The following ZSCAN1 variants were observed in gnomAD, a reference collection of about 807,000 sequenced individuals.
ZSCAN1 encodes the protein zinc finger and SCAN domain-containing protein 1.
ZSCAN1 carries 23 observed loss-of-function variants against 23.8 expected under a neutral mutation model. The observed-to-expected ratio is 0.97, with a 90% CI of 0.70 to 1.37. ZSCAN1 has a LOEUF of 1.37. ZSCAN1 is among the 40% of genes most tolerant of loss of function. The pLI, the probability that ZSCAN1 is intolerant of heterozygous loss-of-function variation, is 0.00. For missense variants in ZSCAN1, 575 were observed against 554.0 expected, an observed-to-expected ratio of 1.04 and a Z score of -0.38; for synonymous variants, 236 against 232.3, an observed-to-expected ratio of 1.02 and a Z score of -0.15.
rs2073748926 is a variant in ZSCAN1, at chr19:58,037,819, G to A, written c.-18G>A. 6.8e-7 allele frequency: 1 copy of A among 1,461,002 alleles called. No individual in the cohort carries two copies. Among genetic ancestry groups the A allele is most frequent in the Non-Finnish European group, 9.0e-7 (1 of 1,108,224 alleles). 90.5% of individuals were successfully genotyped at this position (1,461,002 alleles called of 1,614,324 possible). ...CCAGTCCACACACACCCCTCAGAGG[G>A]GCACTGTGGCCAGAGAAATGCTTCC... On this transcript the variant is annotated 5_prime_UTR_variant, in exon 3 of 6. Coordinates refer to ENST00000282326, the MANE Select transcript of ZSCAN1 (RefSeq NM_182572.4).
intron 4 of ZSCAN1, 109 bp from the exon 5 acceptor site, chr19:58,052,381 C>T: frequency 1.3e-6 from 2 of 1,564,572 alleles, no homozygotes; most frequent in Non-Finnish European, 1.7e-6. Flanking sequence ...GCGCACTGCC[C>T]TGGGACAGAG....
At chr19:58,041,600 G>A (rs1040213721) in intron 4 of ZSCAN1, among the ~76,000 whole-genome samples, 1 of 152,230 alleles carries the variant, frequency 6.6e-6, no homozygotes, top group Non-Finnish European at 1.5e-5. Context: ...GGGTGTGGTG[G>A]CTCATCCCGG....
chr19:58,054,165 C>A lies in ZSCAN1; in HGVS notation c.*114C>A. ...ACCAACCCCTGGCCACCTTGGGACT[C>A]CTCTTGAAGGACACAAGCTGTTTCT... On this transcript the variant is annotated 3_prime_UTR_variant, in exon 6 of 6. Transcript: ENST00000282326. This position sits in a 1 kb window ranked among gnomAD's most constrained non-coding sequence, Gnocchi z 4.2. 4 of 1,334,458 alleles carry A rather than the reference C, an allele frequency of 3.0e-6. No individual in the cohort carries two copies. Among genetic ancestry groups the A allele is most frequent in the Non-Finnish European group, 3.0e-6 (3 of 1,011,858 alleles). The allele number at this position is 1,334,458 out of a possible 1,614,324, so 82.7% of individuals were successfully genotyped here. A position where few individuals can be genotyped will look rare whatever the true frequency, so the allele number is the denominator to read the frequency against.
In ZSCAN1 at chr19:58,038,198, A is replaced by C; in HGVS notation, c.362A>C (p.Gln121Pro). Reference protein sequence around the residue: ...SLVEDLTQMCQQEVLVSLDSV... With the variant: ...SLVEDLTQMCPQEVLVSLDSV... ...GTGGAGGACCTCACACAGATGTGCC[A>C]GCAGGAAGGTGAGAGGCGCAGGCTT... Residue 121 changes from glutamine (Q) to proline (P), a missense_variant, in exon 3 of 6, where the codon CAG (glutamine) becomes CCG (proline). Gln to Pro is a moderately conservative substitution (Grantham distance 76). Coordinates refer to ENST00000282326, the MANE Select transcript of ZSCAN1 (RefSeq NM_182572.4). The C allele has an allele frequency of 1.9e-6, 3 of 1,605,552 alleles. No individual in the cohort carries two copies. Among genetic ancestry groups the C allele is most frequent in the Middle Eastern group, 4.1e-4 (2 of 4,906 alleles).
intron 4 of ZSCAN1, chr19:58,044,899 G>A: frequency 4.9e-6 from 4 of 819,352 alleles, no homozygotes; most frequent in Admixed American, 3.7e-5. Flanking sequence ...GTGCCTTCCT[G>A]CCCGCGGCTG....
At chr19:58,036,310 T>C (rs1034126248) in intron 2 of ZSCAN1, among the ~76,000 whole-genome samples, 1 of 152,200 alleles carries the variant, frequency 6.6e-6, no homozygotes, top group African/African-American at 2.4e-5. Context: ...GTTCTTGATA[T>C]ATAAATGGCC....
intron 4 of ZSCAN1, among the ~76,000 whole-genome samples, chr19:58,041,786 G>C (rs941174596): frequency 1.3e-5 from 2 of 152,168 alleles, no homozygotes; most frequent in Non-Finnish European, 2.9e-5. Context: ...TGAGGTAGGA[G>C]GATCACTTGA....
chr19:58,038,011 C>T lies in ZSCAN1; in HGVS notation c.175C>T (p.Leu59Phe). 2 of 1,610,714 alleles carry T rather than the reference C, an allele frequency of 1.2e-6. No individual in the cohort carries two copies. Among genetic ancestry groups the T allele is most frequent in the Non-Finnish European group, 8.5e-7 (1 of 1,179,654 alleles). The change falls in exon 3 of 6, where the codon CTC (leucine) becomes TTC (phenylalanine). Residue 59 changes from leucine to phenylalanine, a missense_variant. Physicochemically the swap from Leu to Phe is conservative, Grantham distance 22. Transcript: ENST00000282326. ...ASGPHLALGQLWTLCRQWLRP... is the reference protein window; with the variant it reads ...ASGPHLALGQFWTLCRQWLRP... ...CGGGCCGCACCTCGCGCTGGGCCAGCTCTGGACGCTGTGCCGCCAGTGGCT... is the reference window on the plus strand; with the variant it reads ...CGGGCCGCACCTCGCGCTGGGCCAGTTCTGGACGCTGTGCCGCCAGTGGCT...
At position 58,040,722 on chromosome 19, in the gene ZSCAN1, A is replaced by G. The variant is rs1369164325; in HGVS notation, c.465+178A>G. ...AGATTCCCCAAGCTTCCTGGGGCTC[A>G]GTGCTGGGCGAGGGCAGTCAGTGCA... On this transcript the variant is annotated intron_variant, in intron 4 of 5. Coordinates refer to ENST00000282326, the MANE Select transcript of ZSCAN1 (RefSeq NM_182572.4). This position sits in a 1 kb window ranked among gnomAD's most constrained non-coding sequence, Gnocchi z 5.8. Among the ~76,000 whole-genome samples, 1 of 152,202 alleles carries G rather than the reference A, an allele frequency of 6.6e-6. No homozygotes were observed. Among genetic ancestry groups the G allele is most frequent in the East Asian group, 1.9e-4 (1 of 5,196 alleles).
In ZSCAN1 at chr19:58,045,623, G is replaced by A. The variant is rs1461023173; in HGVS notation, c.465+5079G>A. On this transcript the variant is annotated intron_variant, in intron 4 of 5. Transcript: ENST00000282326. This position sits in a 1 kb window ranked among gnomAD's most constrained non-coding sequence, Gnocchi z 4.3. ...CGCTTCCAGCTCACGATGCGGCTGC[G>A]CTCCATAAAGGCAGAGGACAAGCTG... is the stretch of plus-strand genomic sequence containing the variant. 7 of 958,532 alleles carry A rather than the reference G, an allele frequency of 7.3e-6. No individual in the cohort carries two copies. The highest frequency in any genetic ancestry group is 2.6e-4 in the Middle Eastern group (1 of 3,788). The allele number at this position is 958,532 out of a possible 1,614,324, so 59.4% of individuals were successfully genotyped here.
chr19:58,044,686 T>C (rs1182820731), intron 4 of ZSCAN1: 2 of 787,510 alleles, frequency 2.5e-6, no homozygotes, highest in Non-Finnish European at 4.5e-6. Context: ...CGGGGGATCC[T>C]GCTCATCTCA....
Position 58,038,494 on chromosome 19 carries a change from CTGGGAAGG to C in ZSCAN1, c.370+289_370+296del, listed in dbSNP as rs1241322460. 3 of 569,944 alleles carry C rather than the reference CTGGGAAGG, an allele frequency of 5.3e-6. No homozygotes were observed. In the African/African-American group the frequency reaches 5.7e-5, roughly 11 times the overall value. 35.3% of individuals were successfully genotyped at this position (569,944 alleles called of 1,614,324 possible). A position where few individuals can be genotyped will look rare whatever the true frequency, so the allele number is the denominator to read the frequency against. ...GTCTGCTGCTCCTCACGGCTGCTCT[CTGGGAAGG>C]ACGCTGCCTCGCCACTTCCTCCCAG... On this transcript the variant is annotated intron_variant, in intron 3 of 5. Coordinates refer to ENST00000282326, the MANE Select transcript of ZSCAN1 (RefSeq NM_182572.4).
At chr19:58,051,119 C>T (rs1449416947) in intron 4 of ZSCAN1, among the ~76,000 whole-genome samples, 1 of 152,220 alleles carries the variant, frequency 6.6e-6, no homozygotes, top group African/African-American at 2.4e-5. Context: ...ACTAAGCATG[C>T]CCCTCTCTCC....
At chr19:58,044,625 C>G (rs911814632) in intron 4 of ZSCAN1, 3 of 1,057,854 alleles carry the variant, frequency 2.8e-6, no homozygotes, top group African/African-American at 3.1e-5. Context: ...CGCGGCTGGG[C>G]GCCCGCCAGC....
In ZSCAN1 at chr19:58,053,615, C is replaced by T. The variant is rs749967809; in HGVS notation, c.791C>T (p.Ser264Phe). 3 of 1,614,040 alleles carry T rather than the reference C, an allele frequency of 1.9e-6. No homozygotes were observed. The highest frequency in any genetic ancestry group is 3.3e-5 in the Admixed American group (2 of 60,000). ...GACCAGAGCGGCCGCCACCAGCCAT[C>T]CCTCAAGCACACCAAAGGTGGTACC... is the stretch of plus-strand genomic sequence containing the variant. Reference protein sequence around the residue: ...NTDQSGRHQPSLKHTKGGTQE... With the variant: ...NTDQSGRHQPFLKHTKGGTQE... Residue 264 changes from serine (S) to phenylalanine (F), a missense_variant, in exon 6 of 6, where the codon TCC becomes TTC. Coordinates refer to ENST00000282326, the MANE Select transcript of ZSCAN1 (RefSeq NM_182572.4). The surrounding 1 kb of genome is among the most constrained non-coding windows in gnomAD (Gnocchi z 5.8).
Position 58,038,111 on chromosome 19 carries a change from G to A in ZSCAN1, c.275G>A (p.Ser92Asn). The A allele has an allele frequency of 1.2e-6, 2 of 1,610,862 alleles. No individual in the cohort carries two copies. The highest frequency in any genetic ancestry group is 1.7e-6 in the Non-Finnish European group (2 of 1,179,752). Reference sequence around the variant, plus strand: ...GAGCAGTTCCTGGGCGCGCTGCCCAGCAAGATGCGGACCTGGGTGCAGTCA... The same window carrying A: ...GAGCAGTTCCTGGGCGCGCTGCCCAACAAGATGCGGACCTGGGTGCAGTCA... ...VLEQFLGALP[S>N]KMRTWVQSQG... The change falls in exon 3 of 6, where the codon AGC becomes AAC. Residue 92 changes from serine to asparagine, a missense_variant. Transcript: ENST00000282326.
chr19:58,052,142 C>T (rs1347470410), intron 4 of ZSCAN1, among the ~76,000 whole-genome samples: 2 of 152,276 alleles, frequency 1.3e-5, no homozygotes, highest in South Asian at 2.1e-4. Context: ...TCTGTTGTCA[C>T]TGTCCTGAAA....
intron 4 of ZSCAN1, among the ~76,000 whole-genome samples, chr19:58,041,433 A>G (rs384702): frequency 0.89 from 136,256 of 152,286 alleles, 61,717 homozygotes; most frequent in African/African-American, 0.94. Flanking sequence ...ACGAGGCACT[A>G]CACCCAGCAC....
Position 58,052,566 on chromosome 19 carries a change from A to C in ZSCAN1, c.542A>C (p.Gln181Pro). 6.2e-7 allele frequency: 1 copy of C among 1,613,828 alleles called. No homozygotes were observed. The highest frequency in any genetic ancestry group is 1.7e-4 in the Middle Eastern group (1 of 6,052). ...GAAAGTGAGTGGCTGGAGACTACCCAGCTCCAGCAGAGTCTGCACACCAGG... is the reference window on the plus strand; with the variant it reads ...GAAAGTGAGTGGCTGGAGACTACCCCGCTCCAGCAGAGTCTGCACACCAGG... ...PEESEWLETT[Q>P]LQQSLHTRAE... is the part of the protein sequence containing the mutation. The change falls in exon 5 of 6, where the codon CAG (glutamine) becomes CCG (proline). Residue 181 changes from glutamine (Q) to proline (P), a missense_variant. Physicochemically the swap from Gln to Pro is moderately conservative, Grantham distance 76 (BLOSUM62 -1). Transcript: ENST00000282326.
Sources: gnomAD v4.1 joint callset for allele counts (sites outside exome capture counted in the v4.1 genomes callset) on GRCh38, gnomAD v4.1.1 for gene constraint, Gnocchi (gnomAD v3.1) non-coding constraint, MANE v1.5 for transcripts, NCBI Gene and HGNC (gene_info 2026-07-23, HGNC 2026-07-21) for gene names.